HTR4: variants seen among roughly 807,000 people sequenced by gnomAD.
The protein encoded by HTR4 is 5-hydroxytryptamine (serotonin) receptor 4, G protein-coupled.
In HTR4, 16 loss-of-function variants were observed where a neutral mutation model predicts 36.8. The ratio of observed to expected loss-of-function variants is 0.43; its 90% confidence interval spans 0.29 to 0.66. The LOEUF is 0.66. Among genes scored for constraint, HTR4 ranks in the 30% least tolerant of loss-of-function variants. HTR4 has a pLI of 0.13. For synonymous variants in HTR4, 189 were observed against 185.1 expected, an observed-to-expected ratio of 1.02 and a Z score of -0.17; for missense variants, 438 against 490.9, an observed-to-expected ratio of 0.89 and a Z score of 1.02.
intron 6 of HTR4, among the ~76,000 whole-genome samples, chr5:148,502,305 G>C (rs1171717079): frequency 6.6e-6 from 1 of 152,190 alleles, no homozygotes; most frequent in Non-Finnish European, 1.5e-5. Flanking sequence ...GAAGCTTCCA[G>C]AGGAACGATC....
intron 2 of HTR4, among the ~76,000 whole-genome samples, chr5:148,618,697 C>G (rs1752800724): frequency 1.3e-5 from 2 of 152,232 alleles, no homozygotes; most frequent in South Asian, 4.1e-4. Flanking sequence ...TGCCTGCTTT[C>G]CCTTTCCTAT....
intron 5 of HTR4, among the ~76,000 whole-genome samples, chr5:148,457,777 T>C (rs1755136973): frequency 7.0e-6 from 1 of 142,870 alleles, no homozygotes; most frequent in Non-Finnish European, 1.5e-5. Flanking sequence ...ATCATTAAAA[T>C]ATATTTTGAC....
chr5:148,482,397 G>A lies in HTR4; in HGVS notation c.*806C>T, dbSNP rs1283126544. 3 of 985,608 alleles carry A rather than the reference G, an allele frequency of 3.0e-6. No individual in the cohort carries two copies. The highest frequency in any genetic ancestry group is 4.7e-5 in the South Asian group (1 of 21,284). The allele number at this position is 985,608 out of a possible 1,614,324, so 61.1% of individuals were successfully genotyped here. ...TCCCGTTCTAGCCCAGCAGGAGAGC[G>A]AGCATCTCAGGGCAGACACGCCAGC... On this transcript the variant is annotated 3_prime_UTR_variant, in exon 7 of 7. Coordinates refer to ENST00000377888, the MANE Select transcript of HTR4 (RefSeq NM_000870.7).
exon 6 of HTR4, chr5:148,451,202 G>C: frequency 6.2e-7 from 1 of 1,613,856 alleles, no homozygotes; most frequent in Admixed American, 1.7e-5. Flanking sequence ...CATGATTCCA[G>C]GGATTCTGGG....
At chr5:148,634,691 C>T (rs1429252800) in intron 2 of HTR4, among the ~76,000 whole-genome samples, 3 of 152,202 alleles carry the variant, frequency 2.0e-5, no homozygotes, top group African/African-American at 7.2e-5. Context: ...TGCAACTGTA[C>T]TCTCAAAGTC....
rs1755910964 is a variant in HTR4 at position 148,482,043 on chromosome 5, G to A, written c.*1160C>T. 1.0e-6 allele frequency: 1 copy of A among 982,264 alleles called. No individual in the cohort carries two copies. The highest frequency in any genetic ancestry group is 1.2e-6 in the Non-Finnish European group (1 of 825,920). 60.8% of individuals were successfully genotyped at this position (982,264 alleles called of 1,614,324 possible). On this transcript the variant is annotated 3_prime_UTR_variant, in exon 7 of 7. Coordinates refer to ENST00000377888, the MANE Select transcript of HTR4 (RefSeq NM_000870.7). Reference sequence around the variant, plus strand: ...GTCCAAGCTTGAGTGCACAGATGTGGAAAGTGGGGTCCAGAGATGAAAGAA... The same window carrying A: ...GTCCAAGCTTGAGTGCACAGATGTGAAAAGTGGGGTCCAGAGATGAAAGAA...
rs185291065 is a variant in HTR4 at position 148,550,465 on chromosome 5, T to G, written c.27-203A>C. On this transcript the variant is annotated intron_variant, in intron 2 of 6. Coordinates refer to ENST00000377888, the MANE Select transcript of HTR4 (RefSeq NM_000870.7). Reference sequence around the variant, plus strand: ...GGTTAGCTCCTACATAAGAGGAGTATGAGGCTTAGAGAGCTGAATTAACAG... The same window carrying G: ...GGTTAGCTCCTACATAAGAGGAGTAGGAGGCTTAGAGAGCTGAATTAACAG... Among the ~76,000 whole-genome samples, 500 of 152,320 alleles carry G rather than the reference T, an allele frequency of 3.3e-3. 1 individual carries two copies. Among genetic ancestry groups the G allele is most frequent in the Non-Finnish European group, 5.2e-3 (353 of 68,034 alleles).
At chr5:148,618,967 T>A (rs1246768164) in intron 2 of HTR4, among the ~76,000 whole-genome samples, 1 of 152,186 alleles carries the variant, frequency 6.6e-6, no homozygotes, top group Non-Finnish European at 1.5e-5. Flanking sequence ...ATATCTGGAA[T>A]ATATTCTGTG....
At chr5:148,608,000 G>A (rs543520724) in intron 2 of HTR4, among the ~76,000 whole-genome samples, 6 of 152,232 alleles carry the variant, frequency 3.9e-5, no homozygotes, top group African/African-American at 1.2e-4. Flanking sequence ...GCTAAGATGA[G>A]GAATGGTGCA....
intron 5 of HTR4, among the ~76,000 whole-genome samples, chr5:148,458,526 C>T (rs1755182751): frequency 6.6e-6 from 1 of 151,864 alleles, no homozygotes; most frequent in African/African-American, 2.4e-5. Context: ...TTTGGTGATG[C>T]TATGAGAGCA....
At chr5:148,484,353 A>T in intron 6 of HTR4, 2 of 1,612,916 alleles carry the variant, frequency 1.2e-6, no homozygotes, top group Non-Finnish European at 1.7e-6. Flanking sequence ...CCTTGCTAAA[A>T]TGTCTCTGTC....
At chr5:148,549,235 T>C (rs1187487121) in intron 3 of HTR4, among the ~76,000 whole-genome samples, 1 of 152,196 alleles carries the variant, frequency 6.6e-6, no homozygotes, top group African/African-American at 2.4e-5. Flanking sequence ...GTTGCCTGGT[T>C]AATCCCACCC....
chr5:148,623,861 G>T (rs2127295280), intron 2 of HTR4, among the ~76,000 whole-genome samples: 1 of 152,340 alleles, frequency 6.6e-6, no homozygotes, highest in East Asian at 1.9e-4. Context: ...TTAGAGATGA[G>T]AAAGAATTCC....
At chr5:148,602,484 C>T (rs1762033768) in intron 2 of HTR4, among the ~76,000 whole-genome samples, 1 of 151,962 alleles carries the variant, frequency 6.6e-6, no homozygotes, top group Non-Finnish European at 1.5e-5. Context: ...TAAGGCAAGG[C>T]TTAGTGGGAA....
chr5:148,580,987 T>C (rs1761110126), intron 2 of HTR4, among the ~76,000 whole-genome samples: 3 of 150,832 alleles, frequency 2.0e-5, no homozygotes, highest in Admixed American at 6.6e-5. Flanking sequence ...TTTAAAGGGT[T>C]CCTGTTTCTC....
At chr5:148,636,645 C>T (rs1753550283) in intron 2 of HTR4, among the ~76,000 whole-genome samples, 1 of 152,142 alleles carries the variant, frequency 6.6e-6, no homozygotes, top group Non-Finnish European at 1.5e-5. Flanking sequence ...GAATTTGTCT[C>T]AAGTTTAGAT....
intron 2 of HTR4, among the ~76,000 whole-genome samples, chr5:148,585,630 G>A (rs759597850): frequency 5.9e-5 from 9 of 152,186 alleles, no homozygotes; most frequent in Non-Finnish European, 8.8e-5. Context: ...GCCCAGAGAT[G>A]TTAAATGACT....
chr5:148,537,418 A>G (rs1758879389), intron 4 of HTR4, among the ~76,000 whole-genome samples: 1 of 152,194 alleles, frequency 6.6e-6, no homozygotes. Flanking sequence ...TCAAGACACA[A>G]AAAAACATTC....
intron 1 of HTR4, among the ~76,000 whole-genome samples, chr5:148,647,154 C>T (rs2400639): frequency 0.4 from 60,909 of 152,034 alleles, 12,409 homozygotes; most frequent in East Asian, 0.58. Context: ...GACCTGCTAC[C>T]ACTCATGAAG....
Sources: allele counts gnomAD v4.1 joint callset (sites outside exome capture counted in the v4.1 genomes callset), GRCh38; gene constraint gnomAD v4.1.1; transcripts MANE v1.5; gene names NCBI Gene and HGNC (gene_info 2026-07-23, HGNC 2026-07-21).